The following POM121C variants were observed in gnomAD, a reference collection of about 807,000 sequenced individuals.
POM121C encodes the protein nuclear envelope pore membrane protein POM 121C.
Under a neutral mutation model 66.4 loss-of-function variants are expected in POM121C, and 20 were observed. That is an observed-to-expected ratio of 0.30 (90% CI 0.21 to 0.44). The LOEUF is 0.44. POM121C is among the 20% of genes least tolerant of loss of function. The pLI, the probability that POM121C is intolerant of heterozygous loss-of-function variation, is 1.00. For missense variants in POM121C, 580 were observed against 1,225.7 expected (o/e 0.47, Z 7.87); for synonymous variants, 286 against 528.0 (o/e 0.54, Z 6.28).
intron 1 of POM121C, among the ~76,000 whole-genome samples, 163 bp from the exon 2 acceptor site, chr7:75,475,351 C>T (rs1792036755): frequency 1.3e-5 from 2 of 152,052 alleles, no homozygotes; most frequent in Non-Finnish European, 2.9e-5. Flanking sequence ...CCTTTGGGGT[C>T]CTTTATATAT....
rs376702459 is a variant in POM121C at position 75,419,352 on chromosome 7, G to A, written c.2834C>T (p.Pro945Leu). 6.2e-7 allele frequency: 1 copy of A among 1,613,610 alleles called. No homozygotes were observed. Among genetic ancestry groups the A allele is most frequent in the African/African-American group, 1.3e-5 (1 of 74,926 alleles). The change falls in exon 14 of 15, where the codon CCC (proline) becomes CTC (leucine). Residue 945 changes from proline (P) to leucine (L), a missense_variant. Pro to Leu is a moderately conservative substitution (Grantham distance 98). Coordinates refer to ENST00000615331, the MANE Select transcript of POM121C (RefSeq NM_001099415.3). Reference sequence around the variant, plus strand: ...TCCAACACCAACAAAGCCTTGGGCGGGTGCTGAAGATGCCCCAAAGGAGAG... The same window carrying A: ...TCCAACACCAACAAAGCCTTGGGCGAGTGCTGAAGATGCCCCAAAGGAGAG... ...SSLSFGASSA[P>L]AQGFVGVGPF...
chr7:75,437,489 C>G, intron 7 of POM121C, 26 bp downstream of exon 7: 1 of 1,588,560 alleles, frequency 6.3e-7, no homozygotes, highest in African/African-American at 1.3e-5. Context: ...TTCATGCCCC[C>G]CACATTACAA....
At position 75,455,974 on chromosome 7, in the gene POM121C, C is replaced by T. The variant is rs374453456; in HGVS notation, c.-151-14327G>A. Among the ~76,000 whole-genome samples the T allele has an allele frequency of 2.0e-4, 30 of 152,292 alleles. No homozygotes were observed. The East Asian group carries it at 5.6e-3, about 28-fold the overall frequency. On this transcript the variant is annotated intron_variant, in intron 3 of 14. Transcript: ENST00000615331. ...TCCAGGCCAGGCGCAGTGGCTCATGCCTGTACTCCCAGCACTTTGGGAGGC... is the reference window on the plus strand; with the variant it reads ...TCCAGGCCAGGCGCAGTGGCTCATGTCTGTACTCCCAGCACTTTGGGAGGC...
At chr7:75,483,680 G>C (rs1239570435) in intron 1 of POM121C, among the ~76,000 whole-genome samples, 1 of 152,060 alleles carries the variant, frequency 6.6e-6, no homozygotes, top group Non-Finnish European at 1.5e-5. Flanking sequence ...TCCTAGGTGC[G>C]GCTCAATTTC....
chr7:75,479,372 T>C (rs1554479782), intron 1 of POM121C, among the ~76,000 whole-genome samples: 1 of 152,052 alleles, frequency 6.6e-6, no homozygotes, highest in South Asian at 2.1e-4. Context: ...TCCCAGCACT[T>C]TGGGCGGCTG....
At chr7:75,453,518 G>A (rs1791098444) in intron 3 of POM121C, among the ~76,000 whole-genome samples, 1 of 151,084 alleles carries the variant, frequency 6.6e-6, no homozygotes, top group African/African-American at 2.4e-5. Context: ...GGAGGCAGAG[G>A]TTGTGGTGAG....
In POM121C at chr7:75,474,816, A is replaced by T; in HGVS notation, c.-264T>A. The T allele has an allele frequency of 2.3e-6, 3 of 1,306,478 alleles. No individual in the cohort carries two copies. In the Admixed American group the frequency reaches 5.7e-5, roughly 25 times the overall value. 80.9% of individuals were successfully genotyped at this position (1,306,478 alleles called of 1,614,324 possible). A position where few individuals can be genotyped will look rare whatever the true frequency, so the allele number is the denominator to read the frequency against. ...TATCATATCTTGTTAATGGGAAAAG[A>T]AGAAGGACTTGGGCAAGTTGCTCGG... On this transcript the variant is annotated 5_prime_UTR_variant, in exon 3 of 15. Coordinates refer to ENST00000615331, the MANE Select transcript of POM121C (RefSeq NM_001099415.3).
intron 12 of POM121C, 131 bp downstream of exon 12, chr7:75,423,918 C>T (rs1197489183): frequency 4.4e-5 from 66 of 1,498,166 alleles, no homozygotes; most frequent in African/African-American, 2.5e-4. Flanking sequence ...AGGCCCGCTC[C>T]GGTGTGCTGA....
intron 3 of POM121C, among the ~76,000 whole-genome samples, chr7:75,454,353 G>A (rs1333833551): frequency 6.6e-6 from 1 of 152,276 alleles, no homozygotes; most frequent in Non-Finnish European, 1.5e-5. Flanking sequence ...AAGAGTCTCA[G>A]GGAGAGGAAT....
intron 7 of POM121C, among the ~76,000 whole-genome samples, chr7:75,430,531 G>A (rs1334071675): frequency 6.6e-6 from 1 of 152,010 alleles, no homozygotes; most frequent in Non-Finnish European, 1.5e-5. Flanking sequence ...AATTTCAGGT[G>A]GATTATGGAT....
chr7:75,442,740 G>A (rs1285758266), intron 3 of POM121C: 4 of 1,348,598 alleles, frequency 3.0e-6, no homozygotes, highest in South Asian at 3.7e-5. Flanking sequence ...CGCCGCGGAG[G>A]AGACTTAAAT....
chr7:75,422,008 A>C lies in POM121C; in HGVS notation c.2244T>G (p.Pro748=). Residue 748 remains proline (P), a synonymous_variant, in exon 13 of 15, where the codon CCT becomes CCG. Transcript: ENST00000615331. ...PAPATAPTPA[P]ASTIKIVPAH... ...CAGGCACGATCTTGATCGTGGACGC[A>C]GGTGCAGGTGTGGGTGCAGTAGCCG... 6.2e-7 allele frequency: 1 copy of C among 1,613,812 alleles called. No individual in the cohort carries two copies. Among genetic ancestry groups the C allele is most frequent in the Non-Finnish European group, 8.5e-7 (1 of 1,179,818 alleles).
chr7:75,458,087 C>CT (rs1159285225), intron 3 of POM121C, among the ~76,000 whole-genome samples: 16 of 151,930 alleles, frequency 1.1e-4, no homozygotes, highest in African/African-American at 1.4e-4. Context: ...GCAAGCTGCA[C>CT]TTTTTTTTTC....
chr7:75,472,681 T>C (rs1374772247), intron 3 of POM121C, among the ~76,000 whole-genome samples: 8 of 152,066 alleles, frequency 5.3e-5, no homozygotes, highest in Non-Finnish European at 7.4e-5. Flanking sequence ...GGTGTGCACC[T>C]GTAATCCCAG....
At chr7:75,427,164 G>A (rs369012891) in intron 7 of POM121C, among the ~76,000 whole-genome samples, 46 of 151,464 alleles carry the variant, frequency 3.0e-4, no homozygotes, top group Middle Eastern at 3.4e-3. Flanking sequence ...GGTGGCTCAC[G>A]CCTGTAATCC....
chr7:75,453,583 A>C (rs1488776684), intron 3 of POM121C, among the ~76,000 whole-genome samples: 1 of 140,380 alleles, frequency 7.1e-6, no homozygotes, highest in Non-Finnish European at 1.6e-5. Context: ...ACTCGGACTC[A>C]AAAAAAAAAA....
intron 10 of POM121C, 119 bp downstream of exon 10, chr7:75,424,955 C>T (rs1789879174): frequency 2.0e-6 from 3 of 1,513,948 alleles, no homozygotes; most frequent in Admixed American, 4.7e-5. Flanking sequence ...GGGATGTTGT[C>T]TCAAAAAACA....
In POM121C at chr7:75,424,502, A is replaced by T. The variant is rs781984218; in HGVS notation, c.871+24T>A. 5.6e-5 allele frequency: 91 copies of T among 1,610,682 alleles called. No homozygotes were observed. In the Middle Eastern group the frequency reaches 8.3e-4, roughly 15 times the overall value. On this transcript the variant is annotated intron_variant, in intron 11 of 14. Transcript: ENST00000615331. ...AAACAGACACCTGAAACCTCTCGAG[A>T]GTGCAACGATCTGTGCTCCTTACCA...
chr7:75,435,975 C>T (rs1456738602), intron 7 of POM121C, among the ~76,000 whole-genome samples: 2 of 151,318 alleles, frequency 1.3e-5, no homozygotes, highest in Non-Finnish European at 2.9e-5. Flanking sequence ...CGCTTGAATT[C>T]AGGAAGCAGA....
Sources: gnomAD v4.1 joint callset for allele counts (sites outside exome capture counted in the v4.1 genomes callset) on GRCh38, gnomAD v4.1.1 for gene constraint, MANE v1.5 for transcripts, NCBI Gene and HGNC (gene_info 2026-07-23, HGNC 2026-07-21) for gene names.